Variants in NXPE1 observed in about 807,000 individuals in gnomAD.
NXPE1 encodes the protein neurexophilin and PC-esterase domain family member 1, also known as NXPE family member 1.
A neutral mutation model predicts 33.3 loss-of-function variants in NXPE1; 31 were observed. The observed-to-expected ratio is 0.93, with a 90% confidence interval of 0.70 to 1.26. The LOEUF (loss-of-function observed/expected upper bound fraction) is 1.26. Among genes scored for constraint, NXPE1 ranks in the 50% most tolerant of loss-of-function variants. The pLI is 0.00. For synonymous variants in NXPE1, 229 were observed against 231.4 expected, an observed-to-expected ratio of 0.99 and a Z score of 0.09; for missense variants, 661 against 655.6, an observed-to-expected ratio of 1.01 and a Z score of -0.09.
chr11:114,527,915 A>AT lies in NXPE1; in HGVS notation c.834-15dup, dbSNP rs397815602. On this transcript the variant is annotated splice_polypyrimidine_tract_variant and intron_variant, in intron 6 of 8. Transcript: ENST00000534921. ...CCCACTTTGGACCTTCAAAAAAAAA[A>AT]TAGAACAATAAATTAGCCTGCTCTC... 5 of 1,531,590 alleles carry AT rather than the reference A, an allele frequency of 3.3e-6. No individual in the cohort carries two copies. The highest frequency in any genetic ancestry group is 4.5e-5 in the East Asian group (2 of 44,640). 94.9% of individuals were successfully genotyped at this position (1,531,590 alleles called of 1,614,324 possible).
At chr11:114,552,874 G>C (rs1236913287) in exon 2 of NXPE1, 1 of 977,604 alleles carries the variant, frequency 1.0e-6, no homozygotes, top group Admixed American at 6.2e-5. Flanking sequence ...AGGTAGCACA[G>C]AATGCACTGA....
chr11:114,542,462 T>C (rs1948131527), intron 5 of NXPE1, among the ~76,000 whole-genome samples: 1 of 152,166 alleles, frequency 6.6e-6, no homozygotes. Flanking sequence ...CATATATTTA[T>C]TTACAGAAAT....
At chr11:114,530,849 G>C in exon 6 of NXPE1, 3 of 1,614,042 alleles carry the variant, frequency 1.9e-6, no homozygotes, top group Non-Finnish European at 2.5e-6. Flanking sequence ...TAGGGAATAA[G>C]GACTTTGCGG....
intron 6 of NXPE1, chr11:114,529,145 T>C (rs1947478353): frequency 4.2e-6 from 1 of 237,720 alleles, no homozygotes; most frequent in African/African-American, 2.2e-5. Flanking sequence ...GAAAGGGATT[T>C]CTGTGAACCT....
intron 5 of NXPE1, among the ~76,000 whole-genome samples, chr11:114,534,804 A>G (rs1304809678): frequency 6.6e-6 from 1 of 152,220 alleles, no homozygotes; most frequent in Non-Finnish European, 1.5e-5. Flanking sequence ...TCTACGTCTA[A>G]TTGGTGTACC....
At chr11:114,541,313 G>T (rs1420020328) in intron 5 of NXPE1, among the ~76,000 whole-genome samples, 2 of 152,182 alleles carry the variant, frequency 1.3e-5, no homozygotes, top group Admixed American at 6.5e-5. Context: ...AGATAACATA[G>T]ATGTTGGCCT....
In NXPE1 at chr11:114,545,571, A is replaced by G. The variant is rs903679851; in HGVS notation, c.99+5532T>C. 7.9e-5 allele frequency among the ~76,000 whole-genome samples: 12 copies of G among 152,166 alleles called. 1 individual carries two copies. Among genetic ancestry groups the G allele is most frequent in the Non-Finnish European group, 2.9e-5 (2 of 68,034 alleles). On this transcript the variant is annotated intron_variant, in intron 5 of 8. Coordinates refer to ENST00000534921, the Ensembl canonical transcript of NXPE1. The stretch of plus-strand genomic sequence containing the variant: ...GTTGCCAGAGATTTGGGGAGGGGAG[A>G]AAGTTGAATAGGTGAATCAGAGGGG...
chr11:114,527,459 G>C (rs1371402910), intron 7 of NXPE1, among the ~76,000 whole-genome samples: 8 of 152,110 alleles, frequency 5.3e-5, no homozygotes, highest in African/African-American at 9.7e-5. Flanking sequence ...TATAAAATTG[G>C]TAATTGCATC....
Position 114,533,565 on chromosome 11 carries a change from G to C in NXPE1, c.100-2657C>G, listed in dbSNP as rs1339135377. Among the ~76,000 whole-genome samples, 7 of 152,180 alleles carry C rather than the reference G, an allele frequency of 4.6e-5. No homozygotes were observed. In the South Asian group the frequency reaches 1.2e-3, roughly 27 times the overall value. ...AGAAAGGGGTGACAGATGGCACCTG[G>C]AAAATCGGGTCACTCCCACCCTAAT... On this transcript the variant is annotated intron_variant, in intron 5 of 8. Transcript: ENST00000534921.
At chr11:114,536,697 TC>T (rs1947839444) in intron 5 of NXPE1, among the ~76,000 whole-genome samples, 1 of 152,164 alleles carries the variant, frequency 6.6e-6, no homozygotes, top group African/African-American at 2.4e-5. Flanking sequence ...ATGGATAAAT[TC>T]CTTGACACAT....
At chr11:114,546,881 C>A (rs1163830447) in intron 5 of NXPE1, among the ~76,000 whole-genome samples, 2 of 152,078 alleles carry the variant, frequency 1.3e-5, no homozygotes, top group Non-Finnish European at 2.9e-5. Flanking sequence ...CAAAGTAGAA[C>A]AATTTGAGTA....
Position 114,522,862 on chromosome 11 carries a change from A to G in NXPE1, c.1108+17T>C. Reference sequence around the variant, plus strand: ...AACCAGCCTGAATTTCTAAGAGAATATAAAGTAACTACCTACTTTTTACAA... The same window carrying G: ...AACCAGCCTGAATTTCTAAGAGAATGTAAAGTAACTACCTACTTTTTACAA... On this transcript the variant is annotated intron_variant, in intron 8 of 8. Transcript: ENST00000534921. 6.4e-7 allele frequency: 1 copy of G among 1,560,274 alleles called. No homozygotes were observed. The highest frequency in any genetic ancestry group is 1.7e-4 in the Middle Eastern group (1 of 5,956).
chr11:114,546,771 A>G (rs1007777028), intron 5 of NXPE1, among the ~76,000 whole-genome samples: 1 of 152,142 alleles, frequency 6.6e-6, no homozygotes, highest in Non-Finnish European at 1.5e-5. Flanking sequence ...AATATACAAG[A>G]TGAGCCTAAA....
chr11:114,521,904 TTACAA>T (rs1281146374), exon 9 of NXPE1: 5 of 1,250,080 alleles, frequency 4.0e-6, no homozygotes, highest in African/African-American at 1.5e-5. Context: ...AAAACTTACT[TTACAA>T]TACATGTGGG....
intron 5 of NXPE1, among the ~76,000 whole-genome samples, chr11:114,543,633 A>T (rs1056018672): frequency 6.6e-6 from 1 of 152,174 alleles, no homozygotes; most frequent in Non-Finnish European, 1.5e-5. Context: ...GAAGAATGGT[A>T]CTTAATAATG....
chr11:114,551,615 CAT>C (rs1948488205), intron 3 of NXPE1, among the ~76,000 whole-genome samples, 174 bp from the exon 4 acceptor site: 2 of 152,312 alleles, frequency 1.3e-5, no homozygotes, highest in East Asian at 3.9e-4. Flanking sequence ...TATTACAAAA[CAT>C]AATCTGTAAA....
At chr11:114,535,766 A>C (rs1159073688) in intron 5 of NXPE1, among the ~76,000 whole-genome samples, 1 of 152,216 alleles carries the variant, frequency 6.6e-6, no homozygotes, top group Non-Finnish European at 1.5e-5. Context: ...ATACAGGAGC[A>C]CCTAGATTCA....
At chr11:114,533,427 G>A (rs1055159632) in intron 5 of NXPE1, among the ~76,000 whole-genome samples, 12 of 152,110 alleles carry the variant, frequency 7.9e-5, no homozygotes, top group African/African-American at 1.4e-4. Flanking sequence ...GGGGAGTGCC[G>A]GACAGTGGGT....
chr11:114,537,907 T>G (rs1947903109), intron 5 of NXPE1, among the ~76,000 whole-genome samples: 1 of 152,152 alleles, frequency 6.6e-6, no homozygotes, highest in Admixed American at 6.5e-5. Context: ...CCAATGACTT[T>G]CTTCACAGAA....
Sources: allele counts gnomAD v4.1 joint callset (sites outside exome capture counted in the v4.1 genomes callset), GRCh38; gene constraint gnomAD v4.1.1; transcripts MANE v1.5; gene names NCBI Gene and HGNC (gene_info 2026-07-23, HGNC 2026-07-21).